DDX10: variants seen among roughly 807,000 people sequenced by gnomAD.
The protein encoded by DDX10 is probable ATP-dependent RNA helicase DDX10.
Under a neutral mutation model 104.3 loss-of-function variants are expected in DDX10, and 74 were observed. That is an observed-to-expected ratio of 0.71 (90% CI 0.59 to 0.86). DDX10 has a LOEUF of 0.86. Ranked by LOEUF, DDX10 falls within the 40% of genes least tolerant of loss-of-function variation. The pLI is 0.00. For missense variants in DDX10, 952 were observed against 1,040.0 expected, an observed-to-expected ratio of 0.92 and a Z score of 1.16; for synonymous variants, 351 against 353.4, an observed-to-expected ratio of 0.99 and a Z score of 0.08.
At chr11:108,810,795 A>G (rs1206346267) in intron 13 of DDX10, among the ~76,000 whole-genome samples, 1 of 152,212 alleles carries the variant, frequency 6.6e-6, no homozygotes, top group East Asian at 1.9e-4. Flanking sequence ...CTCGTTGAAC[A>G]TAATGTTATA....
chr11:108,817,231 GT>G (rs1395488236), intron 13 of DDX10, among the ~76,000 whole-genome samples: 1 of 152,124 alleles, frequency 6.6e-6, no homozygotes, highest in Non-Finnish European at 1.5e-5. Flanking sequence ...TCCTGACTCT[GT>G]CCTGTGAGGC....
intron 13 of DDX10, among the ~76,000 whole-genome samples, chr11:108,793,439 T>TAGTCTGTGGTATTC: frequency 6.6e-6 from 1 of 152,088 alleles, no homozygotes; most frequent in East Asian, 1.9e-4. Context: ...GCAACACTAT[T>TAGTCTGTGGTATTC]AAGGAGTATA....
intron 16 of DDX10, among the ~76,000 whole-genome samples, chr11:108,914,265 A>G (rs1863716226): frequency 6.6e-6 from 1 of 152,232 alleles, no homozygotes; most frequent in Non-Finnish European, 1.5e-5. Context: ...CTAAAGGGGC[A>G]TAGTAAATTG....
At chr11:108,819,936 A>G (rs1232900437) in intron 13 of DDX10, among the ~76,000 whole-genome samples, 1 of 152,150 alleles carries the variant, frequency 6.6e-6, no homozygotes, top group Non-Finnish European at 1.5e-5. Flanking sequence ...GTAGGGTCCA[A>G]CATTTAGAGA....
At chr11:108,683,639 C>A (rs546611774) in intron 6 of DDX10, among the ~76,000 whole-genome samples, 50 of 152,312 alleles carry the variant, frequency 3.3e-4, no homozygotes, top group Admixed American at 2.9e-3. Context: ...GCAATTTTAG[C>A]AGCTGATAGA....
At chr11:108,785,611 A>T (rs181068200) in intron 13 of DDX10, among the ~76,000 whole-genome samples, 116 of 152,176 alleles carry the variant, frequency 7.6e-4, no homozygotes, top group Admixed American at 1.7e-3. Context: ...TTAATCAGTG[A>T]TTCAATTTCT....
In DDX10 at chr11:108,887,944, G is replaced by A. The variant is rs546594862; in HGVS notation, c.2305-29929G>A. 3.5e-3 allele frequency among the ~76,000 whole-genome samples: 331 copies of A among 95,908 alleles called. 3 individuals are homozygous for A. Among genetic ancestry groups the A allele is most frequent in the South Asian group, 0.015 (36 of 2,466 alleles). 62.9% of individuals were successfully genotyped at this position (95,908 alleles called of 152,430 possible). A position where few individuals can be genotyped will look rare whatever the true frequency, so the allele number is the denominator to read the frequency against. ...AAAGAAAAAAAAAGAAAAAAGAAAAGAAATACAGCTTTTTTCCCCCCCACT... is the reference window on the plus strand; with the variant it reads ...AAAGAAAAAAAAAGAAAAAAGAAAAAAAATACAGCTTTTTTCCCCCCCACT... On this transcript the variant is annotated intron_variant, in intron 16 of 17. Transcript: ENST00000322536.
chr11:108,934,837 A>G (rs1023008894), intron 17 of DDX10, among the ~76,000 whole-genome samples: 1 of 152,218 alleles, frequency 6.6e-6, no homozygotes, highest in Non-Finnish European at 1.5e-5. Flanking sequence ...TTGTGATATT[A>G]AAAACGGAGG....
chr11:108,775,304 A>G (rs907454067), intron 13 of DDX10, among the ~76,000 whole-genome samples: 57 of 152,360 alleles, frequency 3.7e-4, no homozygotes, highest in African/African-American at 1.4e-3. Flanking sequence ...TCAGGTTTAC[A>G]TTGACAGAAA....
intron 16 of DDX10, among the ~76,000 whole-genome samples, chr11:108,902,037 A>G (rs1262151002): frequency 6.6e-6 from 1 of 152,186 alleles, no homozygotes; most frequent in Admixed American, 6.5e-5. Flanking sequence ...GATGATACTC[A>G]GACATAAAAT....
intron 13 of DDX10, among the ~76,000 whole-genome samples, chr11:108,782,921 C>T (rs1405948515): frequency 1.3e-5 from 2 of 152,202 alleles, no homozygotes; most frequent in Non-Finnish European, 2.9e-5. Context: ...CCCCTCAGTG[C>T]TCACTGACAT....
chr11:108,797,700 A>G (rs984856389), intron 13 of DDX10, among the ~76,000 whole-genome samples: 6 of 152,194 alleles, frequency 3.9e-5, no homozygotes, highest in Non-Finnish European at 8.8e-5. Flanking sequence ...AGGGAGTGTA[A>G]ATACTTCTAT....
intron 16 of DDX10, among the ~76,000 whole-genome samples, chr11:108,908,131 T>C (rs1863621453): frequency 6.6e-6 from 1 of 152,228 alleles, no homozygotes; most frequent in Non-Finnish European, 1.5e-5. Context: ...CTCTAAATAA[T>C]TTAGTGCCTA....
intron 13 of DDX10, among the ~76,000 whole-genome samples, chr11:108,807,512 A>G (rs927062344): frequency 1.3e-5 from 2 of 152,108 alleles, no homozygotes; most frequent in Non-Finnish European, 2.9e-5. Context: ...TTTGAGAGAT[A>G]AGAAAATGAA....
At chr11:108,667,132 C>T (rs2094211158) in intron 1 of DDX10, among the ~76,000 whole-genome samples, 1 of 152,216 alleles carries the variant, frequency 6.6e-6, no homozygotes, top group South Asian at 2.1e-4. Context: ...AGCAAACTTT[C>T]TCTGTAAATG....
intron 13 of DDX10, among the ~76,000 whole-genome samples, chr11:108,819,878 G>T (rs1282969126): frequency 6.6e-6 from 1 of 152,142 alleles, no homozygotes; most frequent in Admixed American, 6.5e-5. Context: ...GAGATTACAG[G>T]CATGAGCCAC....
chr11:108,864,307 C>A (rs1205455583), intron 16 of DDX10, among the ~76,000 whole-genome samples: 1 of 152,036 alleles, frequency 6.6e-6, no homozygotes, highest in Non-Finnish European at 1.5e-5. Context: ...CCATCAGAAT[C>A]ATTGGGGTAG....
chr11:108,684,887 G>A (rs1366600639), intron 6 of DDX10, among the ~76,000 whole-genome samples: 4 of 143,990 alleles, frequency 2.8e-5, no homozygotes, highest in African/African-American at 5.2e-5. Context: ...TTTAATGATT[G>A]CCATTCTAAC....
intron 16 of DDX10, among the ~76,000 whole-genome samples, chr11:108,896,802 C>T (rs1863447331): frequency 6.6e-6 from 1 of 151,906 alleles, no homozygotes; most frequent in Non-Finnish European, 1.5e-5. Context: ...ATAATCCTTA[C>T]ATGATAGTGA....
Sources: allele counts gnomAD v4.1 joint callset (sites outside exome capture counted in the v4.1 genomes callset), GRCh38; gene constraint gnomAD v4.1.1; transcripts MANE v1.5; gene names NCBI Gene and HGNC (gene_info 2026-07-23, HGNC 2026-07-21).